The following FLT1 variants were observed in gnomAD, a reference collection of about 807,000 sequenced individuals.
The protein encoded by FLT1 is vascular endothelial growth factor receptor 1.
A neutral mutation model predicts 156.3 loss-of-function variants in FLT1; 49 were observed. That is an observed-to-expected ratio of 0.31 (90% confidence interval 0.25 to 0.40). The LOEUF (loss-of-function observed/expected upper bound fraction) is 0.40, where lower values mean the gene tolerates loss of function less well. Among genes scored for constraint, FLT1 ranks in the 10% least tolerant of loss-of-function variants. FLT1 has a pLI of 1.00. For synonymous variants in FLT1, 594 were observed against 583.8 expected (o/e 1.02, Z -0.25); for missense variants, 1,322 against 1,637.2 (o/e 0.81, Z 3.32).
intron 25 of FLT1, 63 bp from the exon 26 acceptor site, chr13:28,312,161 C>T (rs1427049818): frequency 2.2e-5 from 22 of 997,406 alleles, no homozygotes; most frequent in Middle Eastern, 2.0e-4. Context: ...CATTGCCTTA[C>T]GTACTACAAA....
At chr13:28,462,266 T>A (rs665429) in intron 3 of FLT1, among the ~76,000 whole-genome samples, 2 of 152,204 alleles carry the variant, frequency 1.3e-5, no homozygotes, top group South Asian at 4.1e-4. Flanking sequence ...TCATAACTCA[T>A]ATATTACAAT....
At chr13:28,373,470 T>C (rs1010405285) in intron 14 of FLT1, among the ~76,000 whole-genome samples, 1 of 152,200 alleles carries the variant, frequency 6.6e-6, no homozygotes, top group Non-Finnish European at 1.5e-5. Context: ...CTTAATTGAA[T>C]TGGGCATAGT....
chr13:28,337,683 C>G (rs1408245), intron 17 of FLT1, among the ~76,000 whole-genome samples: 26,339 of 152,158 alleles, frequency 0.17, 2,389 homozygotes, highest in African/African-American at 0.21. Flanking sequence ...CAAGGAGACT[C>G]TCCTGAAATG....
chr13:28,485,781 C>T (rs1881123718), intron 1 of FLT1, among the ~76,000 whole-genome samples: 1 of 152,182 alleles, frequency 6.6e-6, no homozygotes, highest in Non-Finnish European at 1.5e-5. Context: ...TCCACCATCA[C>T]ACTCTTGCAA....
At chr13:28,336,679 T>A (rs1292464855) in intron 17 of FLT1, among the ~76,000 whole-genome samples, 2 of 152,094 alleles carry the variant, frequency 1.3e-5, no homozygotes, top group Non-Finnish European at 2.9e-5. Flanking sequence ...GTTTGCTGTA[T>A]TAGGTAATTC....
At chr13:28,368,807 C>A in intron 14 of FLT1, 1 of 549,902 alleles carries the variant, frequency 1.8e-6, no homozygotes, top group East Asian at 2.9e-5. Context: ...CGGGTTCAAG[C>A]GATTCTTCTG....
chr13:28,322,414 T>C lies in FLT1; in HGVS notation c.2954-55A>G, dbSNP rs1441574479. ...TAATGGCTCTTGTTATCCCACCAAA[T>C]CCCAGTTTATTGGAACAATGTTAGC... On this transcript the variant is annotated intron_variant, in intron 21 of 29. Coordinates refer to ENST00000282397, the MANE Select transcript of FLT1 (RefSeq NM_002019.4). This position sits in a 1 kb window ranked among gnomAD's most constrained non-coding sequence, Gnocchi z 4.3. 1.7e-5 allele frequency: 19 copies of C among 1,118,244 alleles called. No homozygotes were observed. The highest frequency in any genetic ancestry group is 2.6e-5 in the Non-Finnish European group (19 of 729,468). 69.3% of individuals were successfully genotyped at this position (1,118,244 alleles called of 1,614,324 possible).
chr13:28,364,651 A>G (rs553791286), intron 14 of FLT1, among the ~76,000 whole-genome samples: 14 of 152,294 alleles, frequency 9.2e-5, no homozygotes, highest in South Asian at 6.2e-4. Flanking sequence ...TAAATAGCCA[A>G]TGATCCCAGC....
chr13:28,311,543 T>C, intron 27 of FLT1, 47 bp downstream of exon 27: 1 of 1,518,570 alleles, frequency 6.6e-7, no homozygotes, highest in South Asian at 1.2e-5. Context: ...TCCTTCTTTT[T>C]TTTGTTGGAA....
intron 24 of FLT1, among the ~76,000 whole-genome samples, chr13:28,318,887 A>G (rs1311590354): frequency 6.6e-6 from 1 of 152,194 alleles, no homozygotes; most frequent in East Asian, 1.9e-4. Flanking sequence ...CAGAATAAAT[A>G]CAACCAGTGT....
intron 3 of FLT1, among the ~76,000 whole-genome samples, chr13:28,451,461 C>A (rs1878933497): frequency 6.6e-6 from 1 of 152,192 alleles, no homozygotes; most frequent in Non-Finnish European, 1.5e-5. Context: ...AACAGTCACA[C>A]CAGAGCAAGC....
chr13:28,349,475 C>T (rs915071288), intron 15 of FLT1, among the ~76,000 whole-genome samples: 1 of 152,184 alleles, frequency 6.6e-6, no homozygotes, highest in African/African-American at 2.4e-5. Context: ...CACACGCACA[C>T]ACACACACAC....
At chr13:28,492,684 C>G (rs557009462) in intron 1 of FLT1, among the ~76,000 whole-genome samples, 1 of 152,278 alleles carries the variant, frequency 6.6e-6, no homozygotes, top group East Asian at 1.9e-4. Context: ...CAGTGGGGAA[C>G]CGTGGCTTCT....
chr13:28,467,669 T>C, intron 1 of FLT1, 52 bp from the exon 2 acceptor site: 2 of 984,774 alleles, frequency 2.0e-6, no homozygotes, highest in South Asian at 2.9e-5. Context: ...TTCTTACCTT[T>C]TTTTAAGTTA....
In FLT1 at chr13:28,329,652, G is replaced by A. The variant is rs550669773; in HGVS notation, c.2670C>T (p.Asn890=). 1.2e-6 allele frequency: 2 copies of A among 1,614,170 alleles called. No individual in the cohort carries two copies. The highest frequency in any genetic ancestry group is 1.7e-6 in the Non-Finnish European group (2 of 1,180,000). ...KILTHIGHHL[N]VVNLLGACTK... ...TGCAGGCTCCCAGCAGGTTAACCAC[G>A]TTCAGATGGTGGCCAATGTGGGTCA... Residue 890 remains asparagine, a synonymous_variant, in exon 19 of 30, where the codon AAC becomes AAT. Coordinates refer to ENST00000282397, the MANE Select transcript of FLT1 (RefSeq NM_002019.4).
chr13:28,409,283 A>G (rs1300383012), intron 10 of FLT1, among the ~76,000 whole-genome samples: 1 of 152,124 alleles, frequency 6.6e-6, no homozygotes, highest in Non-Finnish European at 1.5e-5. Context: ...CCAAAGACAG[A>G]TGAAGGCAGT....
At chr13:28,404,541 C>T (rs559789806) in intron 11 of FLT1, among the ~76,000 whole-genome samples, 4 of 152,148 alleles carry the variant, frequency 2.6e-5, no homozygotes, top group Non-Finnish European at 5.9e-5. Flanking sequence ...TTAAATCATA[C>T]ATGAGGAACG....
intron 10 of FLT1, among the ~76,000 whole-genome samples, chr13:28,410,068 T>C (rs1318188647): frequency 6.6e-6 from 1 of 152,214 alleles, no homozygotes. Flanking sequence ...CCTTTACAAA[T>C]CCAACACTCA....
chr13:28,492,026 T>A (rs1350279774), intron 1 of FLT1, among the ~76,000 whole-genome samples: 2 of 152,226 alleles, frequency 1.3e-5, no homozygotes, highest in Non-Finnish European at 2.9e-5. Flanking sequence ...TGGAAAACTG[T>A]AGGCTGCCAA....
Sources: gnomAD v4.1 joint callset for allele counts (sites outside exome capture counted in the v4.1 genomes callset) on GRCh38, gnomAD v4.1.1 for gene constraint, Gnocchi (gnomAD v3.1) non-coding constraint, MANE v1.5 for transcripts, NCBI Gene and HGNC (gene_info 2026-07-23, HGNC 2026-07-21) for gene names.